SLC24A2: variants seen among roughly 807,000 people sequenced by gnomAD.
SLC24A2 encodes solute carrier family 24 member 2.
A neutral mutation model predicts 62.0 loss-of-function variants in SLC24A2; 36 were observed. The ratio of observed to expected loss-of-function variants is 0.58; its 90% CI spans 0.44 to 0.77. SLC24A2 has a LOEUF of 0.77. SLC24A2 is among the 30% of genes least tolerant of loss of function. SLC24A2 has a pLI of 0.00. For synonymous variants in SLC24A2, 358 were observed against 294.0 expected (o/e 1.22, Z -2.23); for missense variants, 846 against 817.9 (o/e 1.03, Z -0.42).
chr9:20,007,397 G>C, the SLC24A2 span, among the ~76,000 whole-genome samples: 1 of 152,148 alleles, frequency 6.6e-6, no homozygotes, highest in Non-Finnish European at 1.5e-5. Context: ...GCCTTGGCAA[G>C]GGAAGGGGGT....
chr9:19,863,126 C>A, the SLC24A2 span, among the ~76,000 whole-genome samples: 4 of 151,980 alleles, frequency 2.6e-5, no homozygotes, highest in Admixed American at 2.0e-4. Context: ...GATTTCAAGA[C>A]AAAAGCTATA....
intron 9 of SLC24A2, among the ~76,000 whole-genome samples, chr9:19,522,509 ATTC>A (rs1006475914): frequency 2.0e-5 from 3 of 152,234 alleles, no homozygotes; most frequent in African/African-American, 7.2e-5. Flanking sequence ...TTTTAAAAAA[ATTC>A]TTATTTTTAT....
chr9:20,124,137 A>G, the SLC24A2 span, among the ~76,000 whole-genome samples: 1 of 152,320 alleles, frequency 6.6e-6, no homozygotes, highest in Non-Finnish European at 1.5e-5. Context: ...AACTCCTTTT[A>G]TAATTTCCTT....
chr9:19,866,845 A>C, the SLC24A2 span, among the ~76,000 whole-genome samples: 6 of 151,726 alleles, frequency 4.0e-5, no homozygotes, highest in Non-Finnish European at 7.4e-5. Flanking sequence ...TATTATTTGT[A>C]GTATCTAAAA....
chr9:19,900,202 C>G, the SLC24A2 span, among the ~76,000 whole-genome samples: 4 of 152,128 alleles, frequency 2.6e-5, no homozygotes, highest in East Asian at 5.8e-4. Flanking sequence ...TCTTTATGAG[C>G]TCTATTTATT....
the SLC24A2 span, among the ~76,000 whole-genome samples, chr9:20,083,387 C>T: frequency 1.3e-5 from 2 of 152,160 alleles, no homozygotes; most frequent in Non-Finnish European, 2.9e-5. Context: ...CATGCCATAG[C>T]CCAGGTCTGA....
chr9:20,268,850 G>T, the SLC24A2 span, among the ~76,000 whole-genome samples: 1 of 152,168 alleles, frequency 6.6e-6, no homozygotes, highest in Admixed American at 6.5e-5. Context: ...AAAATAAATG[G>T]TATGTGTGTG....
chr9:19,813,101 G>A, the SLC24A2 span, among the ~76,000 whole-genome samples: 4 of 152,052 alleles, frequency 2.6e-5, no homozygotes, highest in Non-Finnish European at 4.4e-5. Context: ...CTCTGCCCCT[G>A]CCTTCCTCAG....
chr9:19,749,005 G>C (rs1460450291), intron 2 of SLC24A2, among the ~76,000 whole-genome samples: 1 of 151,038 alleles, frequency 6.6e-6, no homozygotes, highest in East Asian at 1.9e-4. Context: ...AGACACATTT[G>C]ATCAGCACAA....
At chr9:19,846,053 G>T in the SLC24A2 span, among the ~76,000 whole-genome samples, 1 of 152,132 alleles carries the variant, frequency 6.6e-6, no homozygotes, top group African/African-American at 2.4e-5. Flanking sequence ...CAGATGAGAA[G>T]AATGTATATT....
chr9:19,815,937 A>AT, the SLC24A2 span, among the ~76,000 whole-genome samples: 1 of 135,082 alleles, frequency 7.4e-6, no homozygotes, highest in African/African-American at 2.7e-5. Context: ...GACAGGTGTG[A>AT]TTATCCATGT....
At chr9:20,286,579 AG>A in the SLC24A2 span, among the ~76,000 whole-genome samples, 4 of 152,180 alleles carry the variant, frequency 2.6e-5, no homozygotes, top group African/African-American at 7.2e-5. Context: ...TTATGCTGCA[AG>A]GGGGGGCTGA....
chr9:20,270,335 A>G, the SLC24A2 span, among the ~76,000 whole-genome samples: 103 of 152,238 alleles, frequency 6.8e-4, no homozygotes, highest in African/African-American at 2.3e-3. Context: ...TGTCTAGGCT[A>G]TATTTTTTAC....
the SLC24A2 span, among the ~76,000 whole-genome samples, chr9:20,094,725 T>G: frequency 6.6e-6 from 1 of 152,184 alleles, no homozygotes; most frequent in African/African-American, 2.4e-5. Flanking sequence ...AAAAAAAATT[T>G]GTATAACTAA....
At chr9:20,216,554 TG>T in the SLC24A2 span, among the ~76,000 whole-genome samples, 2 of 152,310 alleles carry the variant, frequency 1.3e-5, no homozygotes, top group Non-Finnish European at 2.9e-5. Flanking sequence ...ATAGGTGATC[TG>T]GGGGCTTTCA....
the SLC24A2 span, among the ~76,000 whole-genome samples, chr9:19,918,062 A>G: frequency 1.3e-5 from 2 of 152,020 alleles, no homozygotes; most frequent in Non-Finnish European, 2.9e-5. Flanking sequence ...TAAATACAAA[A>G]TTTGAGTTGA....
At chr9:20,279,991 A>T in the SLC24A2 span, among the ~76,000 whole-genome samples, 1 of 152,216 alleles carries the variant, frequency 6.6e-6, no homozygotes, top group Admixed American at 6.5e-5. Flanking sequence ...AAATTCTCAC[A>T]TAAGTGCCCC....
intron 2 of SLC24A2, among the ~76,000 whole-genome samples, chr9:19,771,552 C>G (rs1403482293): frequency 6.6e-6 from 1 of 152,194 alleles, no homozygotes; most frequent in Non-Finnish European, 1.5e-5. Context: ...TTAAATAAAT[C>G]TGCCTCTTAT....
chr9:19,634,360 C>G (rs898351745), intron 2 of SLC24A2, among the ~76,000 whole-genome samples: 1 of 140,286 alleles, frequency 7.1e-6, no homozygotes, highest in Non-Finnish European at 1.5e-5. Flanking sequence ...GCGATTTCAG[C>G]TCAATGCAAA....
Sources: allele counts gnomAD v4.1 joint callset (sites outside exome capture counted in the v4.1 genomes callset), GRCh38; gene constraint gnomAD v4.1.1; transcripts MANE v1.5; gene names NCBI Gene and HGNC (gene_info 2026-07-23, HGNC 2026-07-21).